The following EIF3H variants were observed in gnomAD, a reference collection of about 807,000 sequenced individuals.
EIF3H encodes eIF-3-gamma.
EIF3H carries 26 observed loss-of-function variants against 44.2 expected under a neutral mutation model. The ratio of observed to expected loss-of-function variants is 0.59; its 90% CI spans 0.43 to 0.82. The LOEUF is 0.82. EIF3H is among the 40% of genes least tolerant of loss of function. The pLI, the probability that EIF3H is intolerant of heterozygous loss-of-function variation, is 0.00. For missense variants in EIF3H, 359 were observed against 432.8 expected, an observed-to-expected ratio of 0.83 and a Z score of 1.51; for synonymous variants, 166 against 151.9, an observed-to-expected ratio of 1.09 and a Z score of -0.68.
Position 116,643,324 on chromosome 8 carries a change from G to A in EIF3H, c.*1682C>T, listed in dbSNP as rs955544262. 6.6e-6 allele frequency: 1 copy of A among 152,230 alleles called. No individual in the cohort carries two copies. The highest frequency in any genetic ancestry group is 6.5e-5 in the Admixed American group (1 of 15,280). The allele number at this position is 152,230 out of a possible 1,614,324, so 9.4% of individuals were successfully genotyped here. A position where few individuals can be genotyped will look rare whatever the true frequency, so the allele number is the denominator to read the frequency against. On this transcript the variant is annotated 3_prime_UTR_variant, in exon 8 of 8. Transcript: ENST00000521861. ...ATTTGGCAATACAGGTAAAAGGGCTGACATTTTACATACCCTTTGACTCGT... is the reference window on the plus strand; with the variant it reads ...ATTTGGCAATACAGGTAAAAGGGCTAACATTTTACATACCCTTTGACTCGT...
chr8:116,755,854 G>T (rs1815437783), upstream of EIF3H: 1 of 1,600,812 alleles, frequency 6.2e-7, no homozygotes, highest in East Asian at 2.2e-5. Flanking sequence ...GGAAGTACAA[G>T]TCTCGCGTGA....
In EIF3H at chr8:116,731,979, T is replaced by G. The variant is rs536484110; in HGVS notation, c.133-5807A>C. On this transcript the variant is annotated intron_variant, in intron 1 of 7. Coordinates refer to ENST00000521861, the MANE Select transcript of EIF3H (RefSeq NM_003756.3). ...TAAACAGTAAGTATTGTTCTCTGAT[T>G]AGGTCAGTTGTCTCTCAAACTGTTT... Among the ~76,000 whole-genome samples the G allele has an allele frequency of 2.2e-4, 34 of 152,330 alleles. 2 individuals are homozygous for G. The South Asian group carries it at 6.2e-3, about 28-fold the overall frequency.
intron 1 of EIF3H, among the ~76,000 whole-genome samples, chr8:116,748,774 CTT>C (rs1221639542): frequency 6.6e-6 from 1 of 152,186 alleles, no homozygotes; most frequent in African/African-American, 2.4e-5. Flanking sequence ...TGCTCAAGTC[CTT>C]TATATAAAAT....
chr8:116,696,105 G>A (rs1241169532), intron 2 of EIF3H, among the ~76,000 whole-genome samples: 2 of 152,220 alleles, frequency 1.3e-5, no homozygotes, highest in Non-Finnish European at 2.9e-5. Context: ...TGCTCAGGGT[G>A]TTCTTGGCAT....
At chr8:116,750,409 T>C in intron 1 of EIF3H, among the ~76,000 whole-genome samples, 1 of 132,990 alleles carries the variant, frequency 7.5e-6, no homozygotes, top group African/African-American at 2.8e-5. Flanking sequence ...ATGACTTTTT[T>C]TTTTTTTTTT....
intron 1 of EIF3H, among the ~76,000 whole-genome samples, chr8:116,749,177 G>A (rs190473284): frequency 3.9e-4 from 60 of 152,276 alleles, no homozygotes; most frequent in Non-Finnish European, 3.8e-4. Flanking sequence ...AATTATGGAG[G>A]AGACAAATGT....
At chr8:116,688,733 A>ATTAG (rs1814122932) in intron 2 of EIF3H, among the ~76,000 whole-genome samples, 1 of 2,518 alleles carries the variant, frequency 4.0e-4, no homozygotes, top group Non-Finnish European at 1.1e-3. Flanking sequence ...CTTCATAATT[A>ATTAG]TTAAGTTGTG....
At chr8:116,674,576 T>A (rs1813815527) in intron 2 of EIF3H, among the ~76,000 whole-genome samples, 2 of 152,164 alleles carry the variant, frequency 1.3e-5, no homozygotes, top group Admixed American at 6.5e-5. Context: ...TACCTCTCCA[T>A]ACAAGAACAC....
intron 2 of EIF3H, among the ~76,000 whole-genome samples, chr8:116,668,258 T>A (rs1813699793): frequency 6.6e-6 from 1 of 152,116 alleles, no homozygotes; most frequent in South Asian, 2.1e-4. Flanking sequence ...CTATAAAACA[T>A]CTATAAATGC....
At chr8:116,707,269 TA>T (rs1157774349) in intron 2 of EIF3H, among the ~76,000 whole-genome samples, 3 of 152,168 alleles carry the variant, frequency 2.0e-5, no homozygotes, top group African/African-American at 7.2e-5. Flanking sequence ...CTACTCCACA[TA>T]ATGAATGTAC....
At chr8:116,646,667 C>T in intron 6 of EIF3H, 64 bp from the exon 7 acceptor site, 3 of 1,590,308 alleles carry the variant, frequency 1.9e-6, no homozygotes, top group Non-Finnish European at 2.6e-6. Flanking sequence ...AAAAGATGTC[C>T]TTCCCCTACA....
intron 1 of EIF3H, among the ~76,000 whole-genome samples, chr8:116,728,499 A>C (rs940762171): frequency 4.6e-5 from 7 of 152,140 alleles, no homozygotes; most frequent in Non-Finnish European, 1.0e-4. Flanking sequence ...ACCAGGTAGT[A>C]ATAGACAACA....
Position 116,657,302 on chromosome 8 carries a change from G to T in EIF3H, c.470C>A (p.Thr157Asn). 6.2e-7 allele frequency: 1 copy of T among 1,612,380 alleles called. No homozygotes were observed. Among genetic ancestry groups the T allele is most frequent in the East Asian group, 2.2e-5 (1 of 44,860 alleles). The change falls in exon 4 of 8, where the codon ACT becomes AAT. Residue 157 changes from threonine (T) to asparagine (N), a missense_variant. Transcript: ENST00000521861. ...CTTTAGTGAGAGAGATCCTTGGGCA[G>T]TTTTTATGGGATCTCAAACAAGGAA... ...SVVLIYDPIK[T>N]AQGSLSLKAY...
intron 2 of EIF3H, among the ~76,000 whole-genome samples, chr8:116,705,903 A>G (rs1814461347): frequency 6.6e-6 from 1 of 152,118 alleles, no homozygotes; most frequent in African/African-American, 2.4e-5. Flanking sequence ...GGAACTCTGT[A>G]CTATCTTTGC....
chr8:116,755,925 C>T (rs772731267), upstream of EIF3H: 1 of 1,540,930 alleles, frequency 6.5e-7, no homozygotes, highest in Non-Finnish European at 8.7e-7. Flanking sequence ...AATTGGGCCC[C>T]GCCTCCCTCC....
At chr8:116,727,805 T>C (rs1182072636) in intron 1 of EIF3H, among the ~76,000 whole-genome samples, 1 of 152,248 alleles carries the variant, frequency 6.6e-6, no homozygotes. Flanking sequence ...CTCCCTGTCA[T>C]AATTCTGTGC....
chr8:116,717,982 C>A (rs897733784), intron 2 of EIF3H, among the ~76,000 whole-genome samples: 1 of 152,078 alleles, frequency 6.6e-6, no homozygotes. Flanking sequence ...AAAATCTTCA[C>A]AATCTATATA....
Position 116,679,426 on chromosome 8 carries a change from G to A in EIF3H, c.290-20446C>T, listed in dbSNP as rs1586451064. Among the ~76,000 whole-genome samples the A allele has an allele frequency of 1.8e-4, 10 of 56,886 alleles. No homozygotes were observed. In the South Asian group the frequency reaches 7.8e-3, roughly 44 times the overall value. The allele number at this position is 56,886 out of a possible 152,430, so 37.3% of individuals were successfully genotyped here. On this transcript the variant is annotated intron_variant, in intron 2 of 7. Coordinates refer to ENST00000521861, the MANE Select transcript of EIF3H (RefSeq NM_003756.3). The stretch of plus-strand genomic sequence containing the variant: ...AGGGAGGTGGGGGGATCAGCCCCCC[G>A]CCTGGCCAGCCGCCCCGTCCGGGAG...
intron 1 of EIF3H, among the ~76,000 whole-genome samples, chr8:116,750,267 G>T (rs1027334727): frequency 2.0e-5 from 3 of 152,254 alleles, no homozygotes; most frequent in Admixed American, 6.5e-5. Flanking sequence ...AGAGTAAGTC[G>T]ATTAAGTCAC....
Sources: gnomAD v4.1 joint callset for allele counts (sites outside exome capture counted in the v4.1 genomes callset) on GRCh38, gnomAD v4.1.1 for gene constraint, MANE v1.5 for transcripts, NCBI Gene and HGNC (gene_info 2026-07-23, HGNC 2026-07-21) for gene names.